The following MORF4L1 variants were observed in gnomAD, a reference collection of about 807,000 sequenced individuals.
MORF4L1 encodes the protein mortality factor 4 like 1, also known as mortality factor 4-like protein 1.
Under a neutral mutation model 52.9 loss-of-function variants are expected in MORF4L1, and 4 were observed. That is an observed-to-expected ratio of 0.08 (90% CI 0.04 to 0.17). The LOEUF (loss-of-function observed/expected upper bound fraction) is 0.17. MORF4L1 is among the 10% of genes least tolerant of loss of function. The pLI is 1.00. For missense variants in MORF4L1, 214 were observed against 390.4 expected (o/e 0.55, Z 3.81); for synonymous variants, 123 against 134.8 (o/e 0.91, Z 0.61).
At chr15:78,883,280 G>C (rs560299173) in intron 3 of MORF4L1, among the ~76,000 whole-genome samples, 1 of 150,076 alleles carries the variant, frequency 6.7e-6, no homozygotes, top group African/African-American at 2.4e-5. Flanking sequence ...ATAGAATAAA[G>C]AAGATATTTT....
At chr15:78,889,280 A>G (rs1214171128) in intron 5 of MORF4L1, among the ~76,000 whole-genome samples, 1 of 152,198 alleles carries the variant, frequency 6.6e-6, no homozygotes, top group Non-Finnish European at 1.5e-5. Context: ...GGACTTATTG[A>G]AGTGTATGGG....
intron 6 of MORF4L1, 161 bp from the exon 7 acceptor site, chr15:78,891,323 G>T: frequency 1.5e-6 from 1 of 668,776 alleles, no homozygotes; most frequent in South Asian, 1.9e-5. Flanking sequence ...AGCTCTTCAT[G>T]AAAGTTGTAT....
chr15:78,893,442 T>C, intron 8 of MORF4L1, 97 bp from the exon 9 acceptor site: 1 of 790,938 alleles, frequency 1.3e-6, no homozygotes. Context: ...TTTGAAATAC[T>C]GTTACTGTTA....
At chr15:78,874,210 C>G (rs959918309) in intron 1 of MORF4L1, among the ~76,000 whole-genome samples, 9 of 152,270 alleles carry the variant, frequency 5.9e-5, no homozygotes, top group African/African-American at 2.2e-4. Flanking sequence ...GAAATTTATG[C>G]TAGTTACCGT....
At chr15:78,875,919 A>G (rs2056478820) in intron 1 of MORF4L1, among the ~76,000 whole-genome samples, 1 of 151,888 alleles carries the variant, frequency 6.6e-6, no homozygotes, top group Non-Finnish European at 1.5e-5. Flanking sequence ...GAGTGGCGAG[A>G]AGTAGTGTTT....
intron 1 of MORF4L1, chr15:78,873,646 T>A (rs1487703255): frequency 6.2e-6 from 1 of 161,032 alleles, no homozygotes; most frequent in African/African-American, 2.4e-5. Context: ...CGGTCCCGTA[T>A]GGAGGCACAG....
chr15:78,889,436 G>A (rs2056761979), intron 5 of MORF4L1, among the ~76,000 whole-genome samples: 1 of 152,140 alleles, frequency 6.6e-6, no homozygotes, highest in South Asian at 2.1e-4. Context: ...TGAATGTCAT[G>A]TTGGCTCAGA....
chr15:78,882,485 A>G lies in MORF4L1; in HGVS notation c.155+1906A>G, dbSNP rs576907785. On this transcript the variant is annotated intron_variant, in intron 3 of 11. Coordinates refer to ENST00000426013, the MANE Select transcript of MORF4L1 (RefSeq NM_006791.4). ...GTGCTTTTAGTACTAAATGGATTCT[A>G]ATATCTAGGAAACAGGAAAATAGTG... Among the ~76,000 whole-genome samples the G allele has an allele frequency of 1.1e-4, 16 of 152,354 alleles. 1 individual carries two copies. The East Asian group carries it at 1.7e-3, about 16-fold the overall frequency.
intron 3 of MORF4L1, among the ~76,000 whole-genome samples, chr15:78,882,094 A>C (rs1031784731): frequency 1.3e-5 from 2 of 152,228 alleles, no homozygotes; most frequent in African/African-American, 4.8e-5. Context: ...GAAAGGTAGA[A>C]ATCTGAAATG....
intron 1 of MORF4L1, among the ~76,000 whole-genome samples, chr15:78,874,890 C>G (rs1280700332): frequency 1.3e-5 from 2 of 151,192 alleles, no homozygotes; most frequent in Non-Finnish European, 2.9e-5. Context: ...TTTTTTCTAT[C>G]TCCCAAGTTT....
chr15:78,876,378 A>G (rs1439196880), intron 1 of MORF4L1: 1 of 350,684 alleles, frequency 2.9e-6, no homozygotes, highest in Non-Finnish European at 5.7e-6. Context: ...ATTGCTTTGC[A>G]CTGGACTTGG....
At chr15:78,878,314 C>G in intron 2 of MORF4L1, 55 bp downstream of exon 2, 1 of 1,514,066 alleles carries the variant, frequency 6.6e-7, no homozygotes, top group Middle Eastern at 2.4e-4. Context: ...TTAGATCTGG[C>G]CATTTAATAT....
At chr15:78,875,972 C>T (rs1218744521) in intron 1 of MORF4L1, among the ~76,000 whole-genome samples, 3 of 151,728 alleles carry the variant, frequency 2.0e-5, no homozygotes, top group African/African-American at 7.3e-5. Flanking sequence ...CAGTCTTGCT[C>T]TGTCGCCCAG....
At position 78,891,370 on chromosome 15, in the gene MORF4L1, G is replaced by A. The variant is rs1051051549; in HGVS notation, c.350-114G>A. 1.6e-5 allele frequency: 13 copies of A among 792,734 alleles called. No individual in the cohort carries two copies. The South Asian group carries it at 2.2e-4, about 13-fold the overall frequency. The allele number at this position is 792,734 out of a possible 1,614,324, so 49.1% of individuals were successfully genotyped here. ...ATATGATTCTTTAACTTAGATTGAG[G>A]TAACAGCTGTGTAATGGAGAAATAA... On this transcript the variant is annotated intron_variant, in intron 6 of 11. Transcript: ENST00000426013.
chr15:78,896,615 AT>A (rs59867680), intron 11 of MORF4L1, among the ~76,000 whole-genome samples: 2 of 149,376 alleles, frequency 1.3e-5, no homozygotes. Flanking sequence ...GCTGATAACG[AT>A]TTTTTTTTTA....
chr15:78,893,152 A>G lies in MORF4L1; in HGVS notation c.541-387A>G, dbSNP rs147319441. 2.9e-3 allele frequency: 477 copies of G among 164,656 alleles called. 1 individual carries two copies. Among genetic ancestry groups the G allele is most frequent in the Admixed American group, 4.4e-3 (75 of 16,886 alleles). The allele number at this position is 164,656 out of a possible 1,614,324, so 10.2% of individuals were successfully genotyped here. On this transcript the variant is annotated intron_variant, in intron 8 of 11. Transcript: ENST00000426013. ...AGACTAGATCTAGCAAATAGTATGC[A>G]TAACAGTAAATGATGACTTGGTAGT... is the stretch of plus-strand genomic sequence containing the variant.
intron 7 of MORF4L1, 52 bp downstream of exon 7, chr15:78,891,624 T>TACATG: frequency 7.2e-7 from 1 of 1,383,788 alleles, no homozygotes; most frequent in Non-Finnish European, 1.0e-6. Flanking sequence ...TAGTCTCAGT[T>TACATG]ACATGACATA....
chr15:78,892,472 G>A, intron 8 of MORF4L1, 159 bp downstream of exon 8: 1 of 496,822 alleles, frequency 2.0e-6, no homozygotes. Flanking sequence ...ACTACTACCA[G>A]AAAGAGTAAG....
At chr15:78,883,764 T>C (rs1228592082) in intron 3 of MORF4L1, among the ~76,000 whole-genome samples, 2 of 152,202 alleles carry the variant, frequency 1.3e-5, no homozygotes, top group Non-Finnish European at 1.5e-5. Context: ...TGATCTTAGC[T>C]TTAGAAAGTC....
Sources: allele counts gnomAD v4.1 joint callset (sites outside exome capture counted in the v4.1 genomes callset), GRCh38; gene constraint gnomAD v4.1.1; transcripts MANE v1.5; gene names NCBI Gene and HGNC (gene_info 2026-07-23, HGNC 2026-07-21).